The following SIPA1L1 variants were observed in gnomAD, a reference collection of about 807,000 sequenced individuals.
SIPA1L1 encodes the protein signal induced proliferation associated 1 like 1.
Under a neutral mutation model 162.7 loss-of-function variants are expected in SIPA1L1, and 26 were observed. The observed-to-expected ratio is 0.16, with a 90% CI of 0.12 to 0.22. The LOEUF is 0.22. Among genes scored for constraint, SIPA1L1 ranks in the 10% least tolerant of loss-of-function variants. The pLI is 1.00. For synonymous variants in SIPA1L1, 829 were observed against 837.4 expected (o/e 0.99, Z 0.17); for missense variants, 1,874 against 2,241.0 (o/e 0.84, Z 3.31).
chr14:71,669,071 T>C (rs550064760), intron 10 of SIPA1L1, among the ~76,000 whole-genome samples: 3 of 152,330 alleles, frequency 2.0e-5, no homozygotes, highest in African/African-American at 7.2e-5. Context: ...AACAAAATCA[T>C]TTATTTGAAA....
intron 4 of SIPA1L1, among the ~76,000 whole-genome samples, chr14:71,541,708 G>A (rs555551606): frequency 6.6e-6 from 1 of 152,304 alleles, no homozygotes; most frequent in Non-Finnish European, 1.5e-5. Flanking sequence ...AGAAGGTCAA[G>A]GCTGCAGTGA....
chr14:71,552,752 A>G (rs2055980535), intron 4 of SIPA1L1, among the ~76,000 whole-genome samples: 1 of 152,074 alleles, frequency 6.6e-6, no homozygotes, highest in Admixed American at 6.6e-5. Flanking sequence ...TTAGTATGAA[A>G]GTTCAGTCAT....
intron 4 of SIPA1L1, among the ~76,000 whole-genome samples, chr14:71,572,059 G>C (rs762597690): frequency 6.6e-6 from 1 of 152,150 alleles, no homozygotes; most frequent in Non-Finnish European, 1.5e-5. Context: ...GAAGGCGATG[G>C]AGGGCATCAC....
At chr14:71,718,882 T>C (rs1156824569) in intron 17 of SIPA1L1, among the ~76,000 whole-genome samples, 3 of 152,178 alleles carry the variant, frequency 2.0e-5, no homozygotes, top group Non-Finnish European at 4.4e-5. Flanking sequence ...ATACTGTTGA[T>C]GAACATTTGG....
chr14:71,721,092 A>G (rs539543384), intron 17 of SIPA1L1, among the ~76,000 whole-genome samples: 1 of 152,304 alleles, frequency 6.6e-6, no homozygotes, highest in Non-Finnish European at 1.5e-5. Context: ...CCTTCTGGAA[A>G]AGGCTTTCCG....
At chr14:71,725,119 A>G (rs1270292731) in intron 19 of SIPA1L1, among the ~76,000 whole-genome samples, 1 of 152,226 alleles carries the variant, frequency 6.6e-6, no homozygotes, top group Non-Finnish European at 1.5e-5. Flanking sequence ...TTCCCTGAAC[A>G]TCACTTAGGT....
At chr14:71,387,550 G>T (rs895147259) in intron 2 of SIPA1L1, among the ~76,000 whole-genome samples, 2 of 152,298 alleles carry the variant, frequency 1.3e-5, no homozygotes. Flanking sequence ...GTGTGTGTGT[G>T]GCTTCTGTAG....
At chr14:71,534,441 T>C (rs1305752943) in intron 4 of SIPA1L1, among the ~76,000 whole-genome samples, 1 of 152,226 alleles carries the variant, frequency 6.6e-6, no homozygotes, top group Non-Finnish European at 1.5e-5. Context: ...TCAAGACTTC[T>C]AGAGTTCTTA....
At chr14:71,548,020 T>C (rs1847011884) in intron 4 of SIPA1L1, among the ~76,000 whole-genome samples, 1 of 152,188 alleles carries the variant, frequency 6.6e-6, no homozygotes, top group African/African-American at 2.4e-5. Flanking sequence ...CATCACAGAA[T>C]AGATTTTATT....
intron 3 of SIPA1L1, among the ~76,000 whole-genome samples, chr14:71,523,125 A>G (rs1242035560): frequency 6.6e-6 from 1 of 151,548 alleles, no homozygotes; most frequent in Non-Finnish European, 1.5e-5. Context: ...CAGTTATCAC[A>G]TTTTAAATTT....
intron 5 of SIPA1L1, among the ~76,000 whole-genome samples, chr14:71,605,226 TTC>T (rs1202390282): frequency 1.3e-5 from 2 of 152,176 alleles, no homozygotes; most frequent in East Asian, 1.9e-4. Flanking sequence ...CTTCTAATAT[TTC>T]TGTTTGTTTC....
intron 4 of SIPA1L1, among the ~76,000 whole-genome samples, chr14:71,580,217 C>T (rs535307803): frequency 6.6e-6 from 1 of 152,310 alleles, no homozygotes; most frequent in African/African-American, 2.4e-5. Flanking sequence ...ACTGATACCA[C>T]GTAGCACTTT....
chr14:71,711,827 A>T (rs1181675043), intron 17 of SIPA1L1, among the ~76,000 whole-genome samples: 1 of 152,232 alleles, frequency 6.6e-6, no homozygotes. Flanking sequence ...TAACTCTCCT[A>T]TTGAAAGTCA....
At chr14:71,599,777 G>C (rs1398495422) in intron 5 of SIPA1L1, among the ~76,000 whole-genome samples, 1 of 152,046 alleles carries the variant, frequency 6.6e-6, no homozygotes, top group East Asian at 1.9e-4. Context: ...ACCAACATCT[G>C]TTGTCTTTTT....
chr14:71,738,287 G>C lies in SIPA1L1; in HGVS notation c.5170G>C (p.Glu1724Gln). 1 of 1,613,776 alleles carries C rather than the reference G, an allele frequency of 6.2e-7. No homozygotes were observed. Among genetic ancestry groups the C allele is most frequent in the Non-Finnish European group, 8.5e-7 (1 of 1,179,794 alleles). The change falls in exon 23 of 24, where the codon GAA (glutamate) becomes CAA (glutamine). Residue 1724 changes from glutamate (E) to glutamine (Q), a missense_variant. Physicochemically the swap from Glu to Gln is conservative, Grantham distance 29 (BLOSUM62 2). This residue lies in a region of SIPA1L1 where 936 missense variants were observed against 1,051.9 expected (regional missense o/e 0.89). Transcript: ENST00000381232. ...PTLASKVDQL[E>Q]GMLKMLREDL... is the part of the protein sequence containing the mutation. ...TCTGGCTTCTAAAGTGGACCAGCTG[G>C]AAGGTATGCTGAAGATGCTTCGGGA...
At chr14:71,621,950 T>C (rs1335178274) in intron 6 of SIPA1L1, among the ~76,000 whole-genome samples, 3 of 152,260 alleles carry the variant, frequency 2.0e-5, no homozygotes, top group Non-Finnish European at 4.4e-5. Context: ...AATGGTAATA[T>C]TGTATTAAGA....
At chr14:71,442,166 C>CT (rs2044926982) in intron 2 of SIPA1L1, among the ~76,000 whole-genome samples, 1 of 97,600 alleles carries the variant, frequency 1.0e-5, no homozygotes, top group Non-Finnish European at 1.8e-5. Context: ...GAGCAAGACT[C>CT]TGTCTCAAAA....
intron 4 of SIPA1L1, among the ~76,000 whole-genome samples, chr14:71,567,997 C>T (rs963890097): frequency 2.1e-4 from 32 of 152,294 alleles, no homozygotes; most frequent in Admixed American, 9.2e-4. Flanking sequence ...TAGCGTATAA[C>T]GAGCAGTGAA....
chr14:71,460,913 A>G (rs2046552695), intron 2 of SIPA1L1, among the ~76,000 whole-genome samples: 1 of 152,160 alleles, frequency 6.6e-6, no homozygotes, highest in South Asian at 2.1e-4. Flanking sequence ...AGGCCATTCC[A>G]CCGTTCTATC....
Sources: gnomAD v4.1 joint callset for allele counts (sites outside exome capture counted in the v4.1 genomes callset) on GRCh38, gnomAD v4.1.1 for gene constraint, gnomAD v4.1.1 regional missense constraint, MANE v1.5 for transcripts, NCBI Gene and HGNC (gene_info 2026-07-23, HGNC 2026-07-21) for gene names.